Variants in TFAP2B observed in about 807,000 individuals in gnomAD.
TFAP2B encodes the protein transcription factor AP-2 beta.
A neutral mutation model predicts 44.3 loss-of-function variants in TFAP2B; 9 were observed. That is an observed-to-expected ratio of 0.20 (90% CI 0.12 to 0.35). The LOEUF (loss-of-function observed/expected upper bound fraction) is 0.35. TFAP2B is among the 10% of genes least tolerant of loss of function. The probability of loss-of-function intolerance (pLI) is 1.00; values close to 1 mark genes in which losing one functional copy is unlikely to be tolerated. For missense variants in TFAP2B, 509 were observed against 600.0 expected (o/e 0.85, Z 1.59); for synonymous variants, 270 against 263.8 (o/e 1.02, Z -0.23).
intron 1 of TFAP2B, among the ~76,000 whole-genome samples, chr6:50,820,154 C>T (rs1770298293): frequency 6.6e-6 from 1 of 152,192 alleles, no homozygotes; most frequent in African/African-American, 2.4e-5. Flanking sequence ...GAGAAGCAGA[C>T]TCCCGGGTGG....
chr6:50,832,596 T>A (rs189078189), intron 3 of TFAP2B, among the ~76,000 whole-genome samples: 3 of 152,344 alleles, frequency 2.0e-5, no homozygotes, highest in Non-Finnish European at 4.4e-5. Context: ...TTTGAGTCAG[T>A]GCTAAGCCTC....
intron 3 of TFAP2B, among the ~76,000 whole-genome samples, chr6:50,835,339 GTCAC>G (rs1762598945): frequency 2.0e-5 from 3 of 152,206 alleles, no homozygotes; most frequent in Admixed American, 2.0e-4. Flanking sequence ...CAAAATTCAT[GTCAC>G]TGCAGAATTG....
At chr6:50,825,093 G>C (rs546090970) in intron 2 of TFAP2B, among the ~76,000 whole-genome samples, 2 of 152,180 alleles carry the variant, frequency 1.3e-5, no homozygotes, top group South Asian at 4.1e-4. Context: ...TGCTGTCTGT[G>C]TGTGGTCTAT....
chr6:50,828,403 C>G (rs1360989671), intron 2 of TFAP2B, among the ~76,000 whole-genome samples: 1 of 152,204 alleles, frequency 6.6e-6, no homozygotes, highest in Non-Finnish European at 1.5e-5. Flanking sequence ...AGATGTCTCT[C>G]AAAGTTTTCT....
At chr6:50,837,866 C>T (rs1369757869) in intron 4 of TFAP2B, 109 bp from the exon 5 acceptor site, 2 of 908,824 alleles carry the variant, frequency 2.2e-6, no homozygotes, top group Non-Finnish European at 3.7e-6. Context: ...AATGTGCTAA[C>T]CTCAAGTTAA....
chr6:50,847,503 A>T lies in TFAP2B; in HGVS notation c.*4111A>T, dbSNP rs115188421. 162 of 152,760 alleles carry T rather than the reference A, an allele frequency of 1.1e-3. No homozygotes were observed. The highest frequency in any genetic ancestry group is 1.9e-3 in the Non-Finnish European group (132 of 68,034). The allele number at this position is 152,760 out of a possible 1,614,324, so 9.5% of individuals were successfully genotyped here. On this transcript the variant is annotated 3_prime_UTR_variant, in exon 7 of 7. Coordinates refer to ENST00000393655, the MANE Select transcript of TFAP2B (RefSeq NM_003221.4). ...ACCTCTTGACCCTAGATAGAATCCT[A>T]TCTGAATTTTTCTGTTCTTTATAAA...
chr6:50,823,244 C>A (rs1285872361), intron 1 of TFAP2B, among the ~76,000 whole-genome samples, 163 bp from the exon 2 acceptor site: 3 of 152,136 alleles, frequency 2.0e-5, no homozygotes, highest in East Asian at 1.9e-4. Flanking sequence ...AGTTTCAGAT[C>A]CTTGCTTCCC....
intron 2 of TFAP2B, 73 bp from the exon 3 acceptor site, chr6:50,828,546 G>T: frequency 7.4e-7 from 1 of 1,348,518 alleles, no homozygotes; most frequent in South Asian, 1.2e-5. Context: ...ACTCCAGTTT[G>T]GAATAACATG....
At chr6:50,821,205 T>G (rs1022056355) in intron 1 of TFAP2B, among the ~76,000 whole-genome samples, 6 of 152,210 alleles carry the variant, frequency 3.9e-5, no homozygotes, top group African/African-American at 9.7e-5. Flanking sequence ...ATGTTTTAAA[T>G]TGAGGTAAAA....
chr6:50,818,949 G>A lies in TFAP2B; in HGVS notation c.58G>A (p.Val20Ile). 6.2e-7 allele frequency: 1 copy of A among 1,614,102 alleles called. No homozygotes were observed. Among genetic ancestry groups the A allele is most frequent in the Non-Finnish European group, 8.5e-7 (1 of 1,180,022 alleles). The change falls in exon 1 of 7, where the codon GTC becomes ATC. Residue 20 changes from valine (V) to isoleucine (I), a missense_variant. Physicochemically the swap from Val to Ile is conservative, Grantham distance 29 (BLOSUM62 3). Transcript: ENST00000393655. ...CATGCTCTGGAAGCTTGTGGAGAAT[G>A]TCAAGTACGAAGATATCTATGAGGT... ...AIMLWKLVEN[V>I]KYEDIYEDRH...
intron 2 of TFAP2B, among the ~76,000 whole-genome samples, chr6:50,827,985 GA>G (rs916250632): frequency 7.2e-5 from 11 of 152,156 alleles, no homozygotes; most frequent in Non-Finnish European, 1.5e-4. Context: ...TCCTTGCTGG[GA>G]AGCAGCATCA....
intron 3 of TFAP2B, among the ~76,000 whole-genome samples, chr6:50,835,142 C>T (rs1048859739): frequency 6.6e-6 from 1 of 152,180 alleles, no homozygotes; most frequent in Non-Finnish European, 1.5e-5. Context: ...GCTGTCAACT[C>T]TTATTAACTT....
In TFAP2B at chr6:50,843,354, A is replaced by G; in HGVS notation, c.1345A>G (p.Ser449Gly). The G allele has an allele frequency of 6.2e-7, 1 of 1,614,190 alleles. No individual in the cohort carries two copies. Among genetic ancestry groups the G allele is most frequent in the Non-Finnish European group, 8.5e-7 (1 of 1,180,036 alleles). The change falls in exon 7 of 7, where the codon AGT becomes GGT. Residue 449 changes from serine to glycine, a missense_variant. This residue lies in a region of TFAP2B where 168 missense variants were observed against 183.2 expected (regional missense o/e 0.92). Transcript: ENST00000393655. Reference protein sequence around the residue: ...NRHTSGEGPGSKTGDKEEKHR... With the variant: ...NRHTSGEGPGGKTGDKEEKHR... The stretch of plus-strand genomic sequence containing the variant: ...GCACACGTCTGGGGAAGGCCCAGGT[A>G]GTAAAACTGGCGACAAGGAGGAGAA...
chr6:50,823,552 C>G lies in TFAP2B; in HGVS notation c.227C>G (p.Pro76Arg). 6.2e-7 allele frequency: 1 copy of G among 1,614,036 alleles called. No homozygotes were observed. The highest frequency in any genetic ancestry group is 1.1e-5 in the South Asian group (1 of 91,074). ...CCCTACTTCCCACCCCCCTACCAGCCGCTCCCCTACCACCAGAGCCAGGAC... is the reference window on the plus strand; with the variant it reads ...CCCTACTTCCCACCCCCCTACCAGCGGCTCCCCTACCACCAGAGCCAGGAC... ...QPPYFPPPYQ[P>R]LPYHQSQDPY... Residue 76 changes from proline to arginine, a missense_variant, in exon 2 of 7, where the codon CCG (proline) becomes CGG (arginine). By Grantham distance (103) the Pro-to-Arg change is moderately radical. Transcript: ENST00000393655.
In TFAP2B at chr6:50,847,237, T is replaced by C. The variant is rs983718346; in HGVS notation, c.*3845T>C. 2 of 152,646 alleles carry C rather than the reference T, an allele frequency of 1.3e-5. No homozygotes were observed. Among genetic ancestry groups the C allele is most frequent in the African/African-American group, 4.8e-5 (2 of 41,450 alleles). 9.5% of individuals were successfully genotyped at this position (152,646 alleles called of 1,614,324 possible). A position where few individuals can be genotyped will look rare whatever the true frequency, so the allele number is the denominator to read the frequency against. On this transcript the variant is annotated 3_prime_UTR_variant, in exon 7 of 7. Transcript: ENST00000393655. Reference sequence around the variant, plus strand: ...TTAACGGAATGAACACTATCCTTCTTTAAATGCCAAAATCGACTCCACCTT... The same window carrying C: ...TTAACGGAATGAACACTATCCTTCTCTAAATGCCAAAATCGACTCCACCTT...
chr6:50,847,600 TTGTTG>T lies in TFAP2B; in HGVS notation c.*4213_*4217del, dbSNP rs1762876264. 2.0e-5 allele frequency: 3 copies of T among 152,332 alleles called. No homozygotes were observed. Among genetic ancestry groups the T allele is most frequent in the South Asian group, 2.1e-4 (1 of 4,828 alleles). 9.4% of individuals were successfully genotyped at this position (152,332 alleles called of 1,614,324 possible). On this transcript the variant is annotated 3_prime_UTR_variant, in exon 7 of 7. Transcript: ENST00000393655. ...AATCTGATTTACATAAATAAAAAGA[TTGTTG>T]TGTTTTCATCTTCAGTTTCTTAAAT...
In TFAP2B at chr6:50,843,463, C is replaced by T. The variant is rs1453276490; in HGVS notation, c.*71C>T. On this transcript the variant is annotated 3_prime_UTR_variant, in exon 7 of 7. Coordinates refer to ENST00000393655, the MANE Select transcript of TFAP2B (RefSeq NM_003221.4). Reference sequence around the variant, plus strand: ...AAAACAGACAAAAATTTAATTTTAGCTTTAAAATATTGGATTGGCTTTGGA... The same window carrying T: ...AAAACAGACAAAAATTTAATTTTAGTTTTAAAATATTGGATTGGCTTTGGA... 11 of 1,466,868 alleles carry T rather than the reference C, an allele frequency of 7.5e-6. No individual in the cohort carries two copies. The highest frequency in any genetic ancestry group is 1.9e-4 in the Middle Eastern group (1 of 5,248). The allele number at this position is 1,466,868 out of a possible 1,614,324, so 90.9% of individuals were successfully genotyped here.
chr6:50,823,812 G>A lies in TFAP2B; in HGVS notation c.487G>A (p.Gly163Ser). ...SAHHGLDAGM[G>S]DSLSLHGLGH... ...GCACCACGGCCTGGACGCGGGCATG[G>A]GTGACAGCCTCTCGCTGCACGGCCT... is the stretch of plus-strand genomic sequence containing the variant. The change falls in exon 2 of 7, where the codon GGT (glycine) becomes AGT (serine). Residue 163 changes from glycine (G) to serine (S), a missense_variant. Physicochemically the swap from Gly to Ser is moderately conservative, Grantham distance 56 (BLOSUM62 0). Coordinates refer to ENST00000393655, the MANE Select transcript of TFAP2B (RefSeq NM_003221.4). 6.3e-7 allele frequency: 1 copy of A among 1,575,594 alleles called. No individual in the cohort carries two copies. The highest frequency in any genetic ancestry group is 8.6e-7 in the Non-Finnish European group (1 of 1,160,782).
In TFAP2B at chr6:50,818,984, C is replaced by A. The variant is rs1009895753; in HGVS notation, c.81+12C>A. 11 of 1,611,076 alleles carry A rather than the reference C, an allele frequency of 6.8e-6. No individual in the cohort carries two copies. In the African/African-American group the frequency reaches 9.4e-5, roughly 14 times the overall value. On this transcript the variant is annotated intron_variant, in intron 1 of 6. Coordinates refer to ENST00000393655, the MANE Select transcript of TFAP2B (RefSeq NM_003221.4). ...AAGATATCTATGAGGTGAGTCGACACCCCCAGATGCACCTTAGAGCTTTGC... is the reference window on the plus strand; with the variant it reads ...AAGATATCTATGAGGTGAGTCGACAACCCCAGATGCACCTTAGAGCTTTGC...
Sources: allele counts gnomAD v4.1 joint callset (sites outside exome capture counted in the v4.1 genomes callset), GRCh38; gene constraint gnomAD v4.1.1; regional missense constraint gnomAD v4.1.1; transcripts MANE v1.5; gene names NCBI Gene and HGNC (gene_info 2026-07-23, HGNC 2026-07-21).